PDPK1: variants seen among roughly 807,000 people sequenced by gnomAD.
The protein encoded by PDPK1 is 3-phosphoinositide dependent protein kinase 1, also known as 3-phosphoinositide-dependent protein kinase 1.
PDPK1 carries 7 observed loss-of-function variants against 39.8 expected under a neutral mutation model. The ratio of observed to expected loss-of-function variants is 0.18; its 90% CI spans 0.10 to 0.33. PDPK1 has a LOEUF of 0.33. PDPK1 is among the 10% of genes least tolerant of loss of function. The pLI is 1.00. For missense variants in PDPK1, 182 were observed against 384.7 expected, an observed-to-expected ratio of 0.47 and a Z score of 4.41; for synonymous variants, 118 against 159.1, an observed-to-expected ratio of 0.74 and a Z score of 1.95.
At chr16:2,552,022 TG>T (rs2066423435) in intron 1 of PDPK1, among the ~76,000 whole-genome samples, 1 of 150,324 alleles carries the variant, frequency 6.7e-6, no homozygotes, top group East Asian at 2.0e-4. Context: ...TAAAAAGAGA[TG>T]GGGTCTCACT....
rs1597081355 is a variant in PDPK1 at position 2,598,830 on chromosome 16, A to C, written c.*1063A>C. The C allele has an allele frequency of 4.3e-6, 1 of 233,212 alleles. No individual in the cohort carries two copies. The highest frequency in any genetic ancestry group is 6.0e-5 in the East Asian group (1 of 16,596). The allele number at this position is 233,212 out of a possible 1,614,324, so 14.4% of individuals were successfully genotyped here. On this transcript the variant is annotated 3_prime_UTR_variant, in exon 14 of 14. Transcript: ENST00000342085. ...GACCACGCCAGGGAGTGCAGACACC[A>C]CCGTCACACACGCCCCTTTTGTGTT...
At position 2,599,809 on chromosome 16, in the gene PDPK1, A is replaced by G; in HGVS notation, c.*2042A>G. 4.3e-6 allele frequency: 1 copy of G among 233,860 alleles called. No individual in the cohort carries two copies. The highest frequency in any genetic ancestry group is 8.4e-6 in the Non-Finnish European group (1 of 118,462). The allele number at this position is 233,860 out of a possible 1,614,324, so 14.5% of individuals were successfully genotyped here. A position where few individuals can be genotyped will look rare whatever the true frequency, so the allele number is the denominator to read the frequency against. On this transcript the variant is annotated 3_prime_UTR_variant, in exon 14 of 14. Coordinates refer to ENST00000342085, the MANE Select transcript of PDPK1 (RefSeq NM_002613.5). Reference sequence around the variant, plus strand: ...TCAGGGCGTCTGGTTATAGGGAAACAAGTGGAGCAGGGACGTGGCTTTAAT... The same window carrying G: ...TCAGGGCGTCTGGTTATAGGGAAACGAGTGGAGCAGGGACGTGGCTTTAAT...
Position 2,597,064 on chromosome 16 carries a change from T to C in PDPK1, c.1402-59T>C, listed in dbSNP as rs1284246663. 2 of 1,432,730 alleles carry C rather than the reference T, an allele frequency of 1.4e-6. No individual in the cohort carries two copies. The highest frequency in any genetic ancestry group is 2.4e-5 in the East Asian group (1 of 42,374). The allele number at this position is 1,432,730 out of a possible 1,614,324, so 88.8% of individuals were successfully genotyped here. ...CGAGGGGCCGCCCAGCCCTCTAGGC[T>C]CCAGGAGATGCCGTCAGCACTGGCC... On this transcript the variant is annotated intron_variant, in intron 12 of 13. Transcript: ENST00000342085. The surrounding 1 kb of genome is among the most constrained non-coding windows in gnomAD (Gnocchi z 6.3).
chr16:2,594,127 T>C (rs1173701828), intron 11 of PDPK1: 1 of 152,436 alleles, frequency 6.6e-6, no homozygotes, highest in Non-Finnish European at 1.5e-5. Context: ...TGGGGGAAGA[T>C]GCTGTGCCCC....
chr16:2,592,976 G>A (rs1026342921), intron 11 of PDPK1: 1 of 456,590 alleles, frequency 2.2e-6, no homozygotes, highest in Admixed American at 2.3e-5. Flanking sequence ...AGTGTCCCTG[G>A]CATGGGTGAC....
intron 1 of PDPK1, among the ~76,000 whole-genome samples, chr16:2,546,245 G>A (rs1041724546): frequency 2.0e-5 from 3 of 151,322 alleles, no homozygotes; most frequent in African/African-American, 7.3e-5. Context: ...CACTGCGCCC[G>A]GCTAATTTTT....
chr16:2,557,249 A>T (rs1294850900), intron 1 of PDPK1: 1 of 209,252 alleles, frequency 4.8e-6, no homozygotes, highest in Non-Finnish European at 9.8e-6. Context: ...TGCTTTCCAA[A>T]AACATTTCCA....
Position 2,586,616 on chromosome 16 carries a change from G to T in PDPK1, c.1126-60G>T. On this transcript the variant is annotated intron_variant, in intron 10 of 13. Transcript: ENST00000342085. ...ACAGCGGCAGTGCGGGAGGGGCTGG[G>T]GTTTTAGGACCTTAGAGGCAAGTGA... 8 of 1,468,618 alleles carry T rather than the reference G, an allele frequency of 5.4e-6. No individual in the cohort carries two copies. The South Asian group carries it at 9.1e-5, about 17-fold the overall frequency. The allele number at this position is 1,468,618 out of a possible 1,614,324, so 91.0% of individuals were successfully genotyped here. A position where few individuals can be genotyped will look rare whatever the true frequency, so the allele number is the denominator to read the frequency against.
intron 11 of PDPK1, among the ~76,000 whole-genome samples, chr16:2,591,678 G>T (rs527715966): frequency 6.6e-6 from 1 of 152,222 alleles, no homozygotes; most frequent in Non-Finnish European, 1.5e-5. Flanking sequence ...GAGTATGGGC[G>T]CAGGTGGATG....
chr16:2,586,737 C>G lies in PDPK1; in HGVS notation c.1187C>G (p.Ser396Cys), dbSNP rs780305703. 3 of 1,614,260 alleles carry G rather than the reference C, an allele frequency of 1.9e-6. No individual in the cohort carries two copies. Among genetic ancestry groups the G allele is most frequent in the Non-Finnish European group, 2.5e-6 (3 of 1,180,048 alleles). The change falls in exon 11 of 14, where the codon TCC becomes TGC. Residue 396 changes from serine (S) to cysteine (C), a missense_variant. Ser to Cys is a moderately radical substitution (Grantham distance 112). Transcript: ENST00000342085. The stretch of plus-strand genomic sequence containing the variant: ...GTGTCTTCGTCCTCCTCCTCACACT[C>G]CCTGTCAGCCTCCGACACGGGCCTG... Reference protein sequence around the residue: ...MQVSSSSSSHSLSASDTGLPQ... With the variant: ...MQVSSSSSSHCLSASDTGLPQ...
chr16:2,591,881 C>T (rs1377525405), intron 11 of PDPK1, among the ~76,000 whole-genome samples: 1 of 152,196 alleles, frequency 6.6e-6, no homozygotes, highest in Non-Finnish European at 1.5e-5. Flanking sequence ...GTTTTAATTT[C>T]CTGCGTAGTA....
Position 2,597,356 on chromosome 16 carries a change from C to G in PDPK1, c.1554+81C>G. 1 of 1,283,464 alleles carries G rather than the reference C, an allele frequency of 7.8e-7. No homozygotes were observed. The highest frequency in any genetic ancestry group is 1.4e-5 in the South Asian group (1 of 70,562). 79.5% of individuals were successfully genotyped at this position (1,283,464 alleles called of 1,614,324 possible). On this transcript the variant is annotated intron_variant, in intron 13 of 13. Coordinates refer to ENST00000342085, the MANE Select transcript of PDPK1 (RefSeq NM_002613.5). The surrounding 1 kb of genome is among the most constrained non-coding windows in gnomAD (Gnocchi z 6.3). ...CGTGGGAAGCAGCCACAGGCCTTGGCCAGAGGGAGCAGCGGGGATCGGGGC... is the reference window on the plus strand; with the variant it reads ...CGTGGGAAGCAGCCACAGGCCTTGGGCAGAGGGAGCAGCGGGGATCGGGGC...
chr16:2,597,039 C>T lies in PDPK1; in HGVS notation c.1402-84C>T, dbSNP rs2067117548. 1.0e-5 allele frequency: 12 copies of T among 1,175,802 alleles called. No homozygotes were observed. The highest frequency in any genetic ancestry group is 1.5e-5 in the African/African-American group (1 of 64,978). The allele number at this position is 1,175,802 out of a possible 1,614,324, so 72.8% of individuals were successfully genotyped here. ...GGTGGCCCTGTGTCCTGAGCAGCTCCGAGGGGCCGCCCAGCCCTCTAGGCT... is the reference window on the plus strand; with the variant it reads ...GGTGGCCCTGTGTCCTGAGCAGCTCTGAGGGGCCGCCCAGCCCTCTAGGCT... On this transcript the variant is annotated intron_variant, in intron 12 of 13. Transcript: ENST00000342085. This position sits in a 1 kb window ranked among gnomAD's most constrained non-coding sequence, Gnocchi z 6.3.
chr16:2,597,546 G>C lies in PDPK1; in HGVS notation c.1555-105G>C. The C allele has an allele frequency of 1.2e-6, 1 of 840,692 alleles. No individual in the cohort carries two copies. 52.1% of individuals were successfully genotyped at this position (840,692 alleles called of 1,614,324 possible). The stretch of plus-strand genomic sequence containing the variant: ...TTGTGTGAATAACCGTCACACCCAC[G>C]TGCTTTCAGGACTCGGAATGGCTGG... On this transcript the variant is annotated intron_variant, in intron 13 of 13. Transcript: ENST00000342085. This position sits in a 1 kb window ranked among gnomAD's most constrained non-coding sequence, Gnocchi z 6.3.
rs1160215447 is a variant in PDPK1, at chr16:2,597,004, A to AGGT, written c.1402-107_1402-105dup. 4.8e-6 allele frequency: 3 copies of AGGT among 630,078 alleles called. No individual in the cohort carries two copies. Among genetic ancestry groups the AGGT allele is most frequent in the South Asian group, 3.1e-5 (1 of 32,038 alleles). The allele number at this position is 630,078 out of a possible 1,614,324, so 39.0% of individuals were successfully genotyped here. A position where few individuals can be genotyped will look rare whatever the true frequency, so the allele number is the denominator to read the frequency against. ...GTCCCCTGCCCCTGGGTGAGTGCACAGGTGGTGGTGGTGGCCCTGTGTCCT... is the reference window on the plus strand; with the variant it reads ...GTCCCCTGCCCCTGGGTGAGTGCACAGGTGGTGGTGGTGGTGGCCCTGTGTCCT... On this transcript the variant is annotated intron_variant, in intron 12 of 13. Transcript: ENST00000342085. This position sits in a 1 kb window ranked among gnomAD's most constrained non-coding sequence, Gnocchi z 6.3.
At position 2,599,456 on chromosome 16, in the gene PDPK1, C is replaced by T. The variant is rs549760673; in HGVS notation, c.*1689C>T. The T allele has an allele frequency of 8.6e-6, 2 of 233,244 alleles. No homozygotes were observed. The highest frequency in any genetic ancestry group is 1.2e-4 in the East Asian group (2 of 16,580). 14.4% of individuals were successfully genotyped at this position (233,244 alleles called of 1,614,324 possible). ...AGGGGGCAGAGATGTTCCCCAGGCC[C>T]TGCCTGTGGTTCCTGCCTGGGCCTT... On this transcript the variant is annotated 3_prime_UTR_variant, in exon 14 of 14. Coordinates refer to ENST00000342085, the MANE Select transcript of PDPK1 (RefSeq NM_002613.5).
intron 12 of PDPK1, 50 bp downstream of exon 12, chr16:2,595,900 C>G: frequency 7.0e-7 from 1 of 1,429,878 alleles, no homozygotes; most frequent in Non-Finnish European, 9.9e-7. Context: ...GCATCTTCCC[C>G]GACTCCAGCT....
At position 2,593,190 on chromosome 16, in the gene PDPK1, C is replaced by T. The variant is rs1345028952; in HGVS notation, c.1344-2603C>T. On this transcript the variant is annotated intron_variant, in intron 11 of 13. Coordinates refer to ENST00000342085, the MANE Select transcript of PDPK1 (RefSeq NM_002613.5). This position sits in a 1 kb window ranked among gnomAD's most constrained non-coding sequence, Gnocchi z 4.2. ...AGATGATCAGGGTGGAGCGGCCCAG[C>T]TCAATGTCTTCATTTAGGGCCATTG... 1.2e-5 allele frequency: 5 copies of T among 417,594 alleles called. No individual in the cohort carries two copies. In the East Asian group the frequency reaches 3.6e-4, roughly 30 times the overall value. 25.9% of individuals were successfully genotyped at this position (417,594 alleles called of 1,614,324 possible). A position where few individuals can be genotyped will look rare whatever the true frequency, so the allele number is the denominator to read the frequency against.
At chr16:2,595,650 G>A (rs564184829) in intron 11 of PDPK1, 143 bp from the exon 12 acceptor site, 21 of 689,012 alleles carry the variant, frequency 3.0e-5, no homozygotes, top group South Asian at 2.2e-4. Flanking sequence ...TACATGTGGC[G>A]AACGTTCTCT....
Sources: allele counts gnomAD v4.1 joint callset (sites outside exome capture counted in the v4.1 genomes callset), GRCh38; gene constraint gnomAD v4.1.1; non-coding constraint Gnocchi (gnomAD v3.1); transcripts MANE v1.5; gene names NCBI Gene and HGNC (gene_info 2026-07-23, HGNC 2026-07-21).